MFAP4: variants seen among roughly 807,000 people sequenced by gnomAD.
MFAP4 encodes microfibril-associated glycoprotein 4.
In MFAP4, 20 loss-of-function variants were observed where a neutral mutation model predicts 32.4. That is an observed-to-expected ratio of 0.62 (90% CI 0.43 to 0.90). The LOEUF is 0.90. MFAP4 is among the 40% of genes least tolerant of loss of function. MFAP4 has a pLI of 0.00. For missense variants in MFAP4, 267 were observed against 329.5 expected (o/e 0.81, Z 1.47); for synonymous variants, 146 against 137.4 (o/e 1.06, Z -0.44).
At chr17:19,386,189 G>T in intron 3 of MFAP4, 121 bp downstream of exon 3, 1 of 903,790 alleles carries the variant, frequency 1.1e-6, no homozygotes, top group Non-Finnish European at 1.6e-6. Flanking sequence ...CAGAAGCTGT[G>T]CTGTGGGTAT....
At position 19,384,719 on chromosome 17, in the gene MFAP4, G is replaced by A. The variant is rs1336522011; in HGVS notation, c.521-10C>T. ...TAGGACAGGGAGTCACCTGGCAGAG[G>A]AGAGAAGGGTTGGGGCTGCTGAGGC... On this transcript the variant is annotated splice_polypyrimidine_tract_variant and intron_variant, in intron 5 of 5. Transcript: ENST00000299610. 3 of 1,613,904 alleles carry A rather than the reference G, an allele frequency of 1.9e-6. No individual in the cohort carries two copies. In the East Asian group the frequency reaches 6.7e-5, roughly 36 times the overall value.
rs780347393 is a variant in MFAP4, at chr17:19,385,066, A to T, written c.520+33T>A. 9 of 1,599,338 alleles carry T rather than the reference A, an allele frequency of 5.6e-6. No individual in the cohort carries two copies. In the South Asian group the frequency reaches 1.0e-4, roughly 18 times the overall value. On this transcript the variant is annotated intron_variant, in intron 5 of 5. Coordinates refer to ENST00000299610, the MANE Select transcript of MFAP4 (RefSeq NM_002404.3). ...GGCCAGCCCTGCCTTCTTTCCCCTC[A>T]CAGCCCCTCCCAAAGCTAACAGCGG...
At chr17:19,384,848 G>A in intron 5 of MFAP4, 139 bp from the exon 6 acceptor site, 1 of 1,248,612 alleles carries the variant, frequency 8.0e-7, no homozygotes, top group East Asian at 2.3e-5. Flanking sequence ...TGAGCCAGAT[G>A]TTGGGTTGAT....
rs989709723 is a variant in MFAP4 at position 19,384,439 on chromosome 17, A to G, written c.*23T>C. 3 of 1,552,836 alleles carry G rather than the reference A, an allele frequency of 1.9e-6. No homozygotes were observed. The African/African-American group carries it at 4.1e-5, about 21-fold the overall frequency. Reference sequence around the variant, plus strand: ...AGACCATGGGTGTCCAGGGGAGGAAAGGTGCCTGAGGGGGCCAGCCCTTCA... The same window carrying G: ...AGACCATGGGTGTCCAGGGGAGGAAGGGTGCCTGAGGGGGCCAGCCCTTCA... On this transcript the variant is annotated 3_prime_UTR_variant, in exon 6 of 6. Coordinates refer to ENST00000299610, the MANE Select transcript of MFAP4 (RefSeq NM_002404.3).
intron 3 of MFAP4, 103 bp downstream of exon 3, chr17:19,386,207 C>G: frequency 1.8e-6 from 2 of 1,083,126 alleles, no homozygotes; most frequent in Admixed American, 2.9e-5. Context: ...TATCATTATC[C>G]CCATTTTAAA....
intron 2 of MFAP4, 99 bp downstream of exon 2, chr17:19,386,661 C>T: frequency 7.2e-7 from 1 of 1,388,942 alleles, no homozygotes. Flanking sequence ...CTGAGTCCTG[C>T]AGAGCTGGGG....
Position 19,385,103 on chromosome 17 carries a change from C to A in MFAP4, c.516G>T (p.Gly172=), listed in dbSNP as rs1234801426. 2 of 1,613,526 alleles carry A rather than the reference C, an allele frequency of 1.2e-6. No individual in the cohort carries two copies. The highest frequency in any genetic ancestry group is 4.5e-5 in the East Asian group (2 of 44,860). ...TLFVAGFEDG[G]AGDSLSYHSG... The stretch of plus-strand genomic sequence containing the variant: ...AAAGCTAACAGCGGGTTATACCTGC[C>A]CCGCCATCCTCAAAGCCTGCCACAA... Residue 172 remains glycine, a synonymous_variant, in exon 5 of 6, where the codon GGG becomes GGT. Transcript: ENST00000299610.
chr17:19,385,494 A>G (rs764238812), intron 3 of MFAP4, 40 bp from the exon 4 acceptor site: 65 of 1,500,766 alleles, frequency 4.3e-5, no homozygotes, highest in Non-Finnish European at 5.2e-5. Flanking sequence ...CAAGGGTCCA[A>G]TGGGCAAGGT....
intron 1 of MFAP4, 134 bp from the exon 2 acceptor site, chr17:19,386,972 T>TGCCAGGGCCCCCCCC: frequency 1.1e-6 from 1 of 937,012 alleles, no homozygotes; most frequent in Non-Finnish European, 1.7e-6. Context: ...TGGCCCCTCT[T>TGCCAGGGCCCCCCCC]CCCTGCCCCC....
chr17:19,386,977 G>GGGGCCCCCCCCCCCCCCCC, intron 1 of MFAP4, 139 bp from the exon 2 acceptor site: 12 of 689,350 alleles, frequency 1.7e-5, no homozygotes, highest in Admixed American at 3.1e-5. Flanking sequence ...CCTCTTCCCT[G>GGGGCCCCCCCCCCCCCCCC]CCCCCCCACC....
At chr17:19,385,861 G>A (rs569354866) in intron 3 of MFAP4, among the ~76,000 whole-genome samples, 15 of 152,358 alleles carry the variant, frequency 9.8e-5, no homozygotes, top group Non-Finnish European at 1.9e-4. Flanking sequence ...GCTCACGCCT[G>A]TTATCTCAGC....
chr17:19,386,786 G>C lies in MFAP4; in HGVS notation c.59C>G (p.Pro20Arg). ...LLLLSTPPCA[P>R]QVSGIRGDAL... Reference sequence around the variant, plus strand: ...ATCTCCTCGGATCCCGGAGACCTGGGGGGCACACGGGGGCGTGGAGAGAAG... The same window carrying C: ...ATCTCCTCGGATCCCGGAGACCTGGCGGGCACACGGGGGCGTGGAGAGAAG... The change falls in exon 2 of 6, where the codon CCC (proline) becomes CGC (arginine). Residue 20 changes from proline (P) to arginine (R), a missense_variant. Transcript: ENST00000299610. 6.3e-7 allele frequency: 1 copy of C among 1,576,836 alleles called. No homozygotes were observed. The highest frequency in any genetic ancestry group is 8.6e-7 in the Non-Finnish European group (1 of 1,161,218).
rs978766535 is a variant in MFAP4 at position 19,384,417 on chromosome 17, C to A, written c.*45G>T. 6.5e-7 allele frequency: 1 copy of A among 1,543,734 alleles called. No homozygotes were observed. The highest frequency in any genetic ancestry group is 2.1e-4 in the Middle Eastern group (1 of 4,822). On this transcript the variant is annotated 3_prime_UTR_variant, in exon 6 of 6. Transcript: ENST00000299610. ...GCAGCAGAGGGAGCACTCATGGAGA[C>A]CATGGGTGTCCAGGGGAGGAAAGGT...
chr17:19,385,354 T>C lies in MFAP4; in HGVS notation c.337+4A>G. The stretch of plus-strand genomic sequence containing the variant: ...CCCCTCAGCCCACCTGGTCCCTGCC[T>C]TACCCAGCCAGTACTCTCCATCAGC... On this transcript the variant is annotated splice_donor_region_variant and intron_variant, in intron 4 of 5. Coordinates refer to ENST00000299610, the MANE Select transcript of MFAP4 (RefSeq NM_002404.3). 6.2e-7 allele frequency: 1 copy of C among 1,614,242 alleles called. No homozygotes were observed. Among genetic ancestry groups the C allele is most frequent in the Non-Finnish European group, 8.5e-7 (1 of 1,180,036 alleles).
chr17:19,386,686 T>C, intron 2 of MFAP4, 74 bp downstream of exon 2: 1 of 1,494,064 alleles, frequency 6.7e-7, no homozygotes, highest in Non-Finnish European at 9.1e-7. Context: ...GCCCTGACAG[T>C]CTGTTCTGAC....
In MFAP4 at chr17:19,385,234, G is replaced by T. The variant is rs143106589; in HGVS notation, c.385C>A (p.Arg129=). The change falls in exon 5 of 6, where the codon CGA becomes AGA. Residue 129 remains arginine (R), a synonymous_variant. Coordinates refer to ENST00000299610, the MANE Select transcript of MFAP4 (RefSeq NM_002404.3). The part of the protein sequence containing the change: ...LLTLKQKYEL[R]VDLEDFENNT... ...TTCTCAAAGTCCTCCAAGTCCACTC[G>T]CAGCTCATACTTCTGCTTCAGTGTC... The T allele has an allele frequency of 3.1e-6, 5 of 1,614,272 alleles. No individual in the cohort carries two copies. Among genetic ancestry groups the T allele is most frequent in the Non-Finnish European group, 4.2e-6 (5 of 1,180,046 alleles).
intron 1 of MFAP4, 128 bp downstream of exon 1, chr17:19,387,022 G>T: frequency 7.2e-7 from 1 of 1,380,738 alleles, no homozygotes; most frequent in Non-Finnish European, 1.0e-6. Flanking sequence ...CTGGGACGCT[G>T]TGTACCCTCA....
chr17:19,387,159 G>A lies in MFAP4; in HGVS notation c.-4C>T. The A allele has an allele frequency of 6.3e-7, 1 of 1,599,676 alleles. No individual in the cohort carries two copies. Among genetic ancestry groups the A allele is most frequent in the South Asian group, 1.1e-5 (1 of 90,696 alleles). On this transcript the variant is annotated 5_prime_UTR_variant, in exon 1 of 6. Transcript: ENST00000299610. ...ACCCTGGGCCCCGTACCTTCATGCT[G>A]TCAGTTCTGCTCAGAGTGGCTGGGT...
At position 19,386,709 on chromosome 17, in the gene MFAP4, T is replaced by A. The variant is rs571443403; in HGVS notation, c.85+51A>T. On this transcript the variant is annotated intron_variant, in intron 2 of 5. Coordinates refer to ENST00000299610, the MANE Select transcript of MFAP4 (RefSeq NM_002404.3). The stretch of plus-strand genomic sequence containing the variant: ...AGTCTGTTCTGACAGTCCAGCCTCT[T>A]CTTGCACAACCTGTGGGCCAGGCCG... 7.8e-6 allele frequency: 12 copies of A among 1,539,672 alleles called. No homozygotes were observed. In the East Asian group the frequency reaches 2.2e-4, roughly 28 times the overall value.
Sources: allele counts gnomAD v4.1 joint callset (sites outside exome capture counted in the v4.1 genomes callset), GRCh38; gene constraint gnomAD v4.1.1; transcripts MANE v1.5; gene names NCBI Gene and HGNC (gene_info 2026-07-23, HGNC 2026-07-21).